Variants in ZSWIM6 observed in about 807,000 individuals in gnomAD.
ZSWIM6 encodes the protein zinc finger SWIM-type containing 6, also known as zinc finger SWIM domain-containing protein 6.
ZSWIM6 carries 9 observed loss-of-function variants against 113.2 expected under a neutral mutation model. The ratio of observed to expected loss-of-function variants is 0.08; its 90% CI spans 0.05 to 0.14. ZSWIM6 has a LOEUF of 0.14. ZSWIM6 is among the 10% of genes least tolerant of loss of function. The pLI, the probability that ZSWIM6 is intolerant of heterozygous loss-of-function variation, is 1.00. For synonymous variants in ZSWIM6, 611 were observed against 606.5 expected (o/e 1.01, Z -0.11); for missense variants, 1,162 against 1,552.2 (o/e 0.75, Z 4.22).
chr5:61,385,585 A>G (rs1745578113), intron 1 of ZSWIM6, among the ~76,000 whole-genome samples: 2 of 152,192 alleles, frequency 1.3e-5, no homozygotes, highest in Non-Finnish European at 2.9e-5. Context: ...TGTTTCTAGT[A>G]TCTTGGCCCC....
chr5:61,332,406 G>T lies in ZSWIM6; in HGVS notation c.134G>T (p.Gly45Val). The part of the protein sequence containing the change: ...GGGYSSACRP[G>V]PRAGGAAAAA... ...GGCTACAGCTCTGCCTGTCGGCCAG[G>T]CCCGCGGGCGGGTGGCGCGGCGGCG... The change falls in exon 1 of 14, where the codon GGC (glycine) becomes GTC (valine). Residue 45 changes from glycine (G) to valine (V), a missense_variant. By Grantham distance (109) the Gly-to-Val change is moderately radical (BLOSUM62 -3). This residue lies in a region of ZSWIM6 where 333 missense variants were observed against 293.4 expected (regional missense o/e 1.13). Coordinates refer to ENST00000252744, the MANE Select transcript of ZSWIM6 (RefSeq NM_020928.2). The T allele has an allele frequency of 2.5e-5, 25 of 993,228 alleles. No homozygotes were observed. Among genetic ancestry groups the T allele is most frequent in the Non-Finnish European group, 3.0e-5 (25 of 837,680 alleles). The allele number at this position is 993,228 out of a possible 1,614,324, so 61.5% of individuals were successfully genotyped here. A position where few individuals can be genotyped will look rare whatever the true frequency, so the allele number is the denominator to read the frequency against.
intron 1 of ZSWIM6, among the ~76,000 whole-genome samples, chr5:61,454,345 T>C (rs1007347872): frequency 4.6e-5 from 7 of 151,854 alleles, no homozygotes; most frequent in African/African-American, 1.7e-4. Flanking sequence ...AGCCTCAATC[T>C]CCTAGGCTCA....
At chr5:61,365,894 T>TA (rs1043645989) in intron 1 of ZSWIM6, among the ~76,000 whole-genome samples, 1 of 152,174 alleles carries the variant, frequency 6.6e-6, no homozygotes, top group Non-Finnish European at 1.5e-5. Context: ...TAAAGCACCT[T>TA]AAACCTCCAA....
chr5:61,502,264 G>T (rs1405074499), intron 4 of ZSWIM6, among the ~76,000 whole-genome samples: 1 of 152,140 alleles, frequency 6.6e-6, no homozygotes, highest in African/African-American at 2.4e-5. Context: ...TCCTTAGGCA[G>T]CTCTGTGTAT....
chr5:61,419,167 AT>A (rs1383135063), intron 1 of ZSWIM6, among the ~76,000 whole-genome samples: 4 of 152,126 alleles, frequency 2.6e-5, no homozygotes, highest in Non-Finnish European at 5.9e-5. Context: ...ATAGTAATGA[AT>A]TTTCTCTCAG....
intron 4 of ZSWIM6, among the ~76,000 whole-genome samples, chr5:61,517,778 A>ATTAT (rs931454725): frequency 8.6e-4 from 127 of 147,756 alleles, no homozygotes; most frequent in Non-Finnish European, 1.2e-3. Context: ...TAATTATTTA[A>ATTAT]TTATTTATTT....
At chr5:61,424,489 A>G (rs1452174388) in intron 1 of ZSWIM6, among the ~76,000 whole-genome samples, 2 of 152,102 alleles carry the variant, frequency 1.3e-5, no homozygotes, top group Non-Finnish European at 2.9e-5. Flanking sequence ...CTGACAGATA[A>G]TCTCGGTTTT....
chr5:61,332,666 G>A lies in ZSWIM6; in HGVS notation c.394G>A (p.Gly132Ser). ...GTACTCGTCCTTCAACACCGGCGGC[G>A]GCGCCGCGGGCGGCCCCGGCGACGA... ...CMYSSFNTGG[G>S]AAGGPGDDSG... Residue 132 changes from glycine (G) to serine (S), a missense_variant, in exon 1 of 14, where the codon GGC (glycine) becomes AGC (serine). Physicochemically the swap from Gly to Ser is moderately conservative, Grantham distance 56. This residue lies in a region of ZSWIM6 where 333 missense variants were observed against 293.4 expected (regional missense o/e 1.13). Transcript: ENST00000252744. The A allele has an allele frequency of 2.7e-6, 3 of 1,112,756 alleles. No individual in the cohort carries two copies. Among genetic ancestry groups the A allele is most frequent in the Non-Finnish European group, 3.4e-6 (3 of 888,480 alleles). 68.9% of individuals were successfully genotyped at this position (1,112,756 alleles called of 1,614,324 possible). A position where few individuals can be genotyped will look rare whatever the true frequency, so the allele number is the denominator to read the frequency against.
intron 1 of ZSWIM6, among the ~76,000 whole-genome samples, chr5:61,464,175 T>TGCA (rs1399032661): frequency 7.8e-6 from 1 of 127,638 alleles, no homozygotes; most frequent in African/African-American, 3.3e-5. Flanking sequence ...TTTTTTTTTT[T>TGCA]TTTTTTTTTT....
chr5:61,513,179 A>T (rs779684411), intron 4 of ZSWIM6, among the ~76,000 whole-genome samples: 4 of 151,904 alleles, frequency 2.6e-5, no homozygotes, highest in Non-Finnish European at 4.4e-5. Flanking sequence ...TACCATCTCC[A>T]TAGTTTTCTC....
intron 1 of ZSWIM6, among the ~76,000 whole-genome samples, chr5:61,333,523 G>A (rs1744315781): frequency 1.3e-5 from 2 of 152,088 alleles, no homozygotes; most frequent in Admixed American, 6.5e-5. Context: ...CCAGGGCTCC[G>A]ACGGGCGAGC....
intron 5 of ZSWIM6, among the ~76,000 whole-genome samples, chr5:61,524,251 C>T (rs1749219938): frequency 6.6e-6 from 1 of 152,044 alleles, no homozygotes; most frequent in African/African-American, 2.4e-5. Context: ...AGATTCAAAA[C>T]GTCCTTAAAT....
intron 1 of ZSWIM6, among the ~76,000 whole-genome samples, chr5:61,406,584 A>G (rs908160957): frequency 2.6e-5 from 4 of 152,164 alleles, no homozygotes; most frequent in Non-Finnish European, 5.9e-5. Flanking sequence ...TGAAGACTAA[A>G]ATCTGTCATA....
intron 1 of ZSWIM6, among the ~76,000 whole-genome samples, chr5:61,448,903 G>A (rs760654875): frequency 5.3e-5 from 8 of 152,174 alleles, no homozygotes; most frequent in Non-Finnish European, 1.0e-4. Context: ...ATAGGTATAT[G>A]TAGGATATTT....
intron 1 of ZSWIM6, chr5:61,375,091 C>G: frequency 6.2e-7 from 1 of 1,602,048 alleles, no homozygotes; most frequent in Non-Finnish European, 8.6e-7. Context: ...CGGTGTGCTA[C>G]TGTGCGCGCG....
At chr5:61,479,173 A>G (rs1040983794) in intron 2 of ZSWIM6, among the ~76,000 whole-genome samples, 4 of 151,854 alleles carry the variant, frequency 2.6e-5, no homozygotes, top group African/African-American at 9.7e-5. Context: ...TCTGTCTCAA[A>G]AAAAAAAAAA....
intron 1 of ZSWIM6, among the ~76,000 whole-genome samples, chr5:61,381,238 G>A (rs1050437904): frequency 3.3e-5 from 5 of 152,188 alleles, no homozygotes; most frequent in Non-Finnish European, 7.4e-5. Flanking sequence ...GGGCAACAGA[G>A]TGAGCCTCTT....
intron 1 of ZSWIM6, among the ~76,000 whole-genome samples, chr5:61,392,509 C>T (rs552839599): frequency 5.3e-5 from 8 of 152,298 alleles, no homozygotes; most frequent in Admixed American, 2.6e-4. Context: ...TGATAATATG[C>T]ACGCATGTGT....
intron 1 of ZSWIM6, among the ~76,000 whole-genome samples, chr5:61,376,939 A>G (rs1745384825): frequency 6.6e-6 from 1 of 152,106 alleles, no homozygotes; most frequent in South Asian, 2.1e-4. Context: ...AAAAGGCTTC[A>G]TATTGAAGCT....
Sources: allele counts gnomAD v4.1 joint callset (sites outside exome capture counted in the v4.1 genomes callset), GRCh38; gene constraint gnomAD v4.1.1; regional missense constraint gnomAD v4.1.1; transcripts MANE v1.5; gene names NCBI Gene and HGNC (gene_info 2026-07-23, HGNC 2026-07-21).